Variants in MAPKAPK2 observed in about 807,000 individuals in gnomAD.
The protein encoded by MAPKAPK2 is MAP kinase-activated protein kinase 2.
A neutral mutation model predicts 48.8 loss-of-function variants in MAPKAPK2; 9 were observed. That is an observed-to-expected ratio of 0.18 (90% confidence interval 0.11 to 0.32). MAPKAPK2 has a LOEUF of 0.32. Among genes scored for constraint, MAPKAPK2 ranks in the 10% least tolerant of loss-of-function variants. The pLI is 1.00. For missense variants in MAPKAPK2, 331 were observed against 498.3 expected, an observed-to-expected ratio of 0.66 and a Z score of 3.20; for synonymous variants, 202 against 190.6, an observed-to-expected ratio of 1.06 and a Z score of -0.49.
intron 1 of MAPKAPK2, among the ~76,000 whole-genome samples, chr1:206,709,006 G>A (rs1280382059): frequency 2.0e-5 from 3 of 152,184 alleles, no homozygotes; most frequent in Admixed American, 6.5e-5. Flanking sequence ...GGACATTTGG[G>A]CTGTGTCCAG....
At chr1:206,722,801 T>C (rs560421984) in intron 1 of MAPKAPK2, among the ~76,000 whole-genome samples, 1 of 152,356 alleles carries the variant, frequency 6.6e-6, no homozygotes, top group African/African-American at 2.4e-5. Context: ...CTGCAGCAGC[T>C]GCCCTCCCGA....
At chr1:206,706,305 A>G (rs1235956530) in intron 1 of MAPKAPK2, among the ~76,000 whole-genome samples, 5 of 152,036 alleles carry the variant, frequency 3.3e-5, no homozygotes, top group African/African-American at 1.2e-4. Flanking sequence ...ACAGCCACAG[A>G]GACCCAGAGT....
intron 1 of MAPKAPK2, among the ~76,000 whole-genome samples, chr1:206,701,745 G>A (rs1314360515): frequency 6.8e-6 from 1 of 146,076 alleles, no homozygotes; most frequent in Non-Finnish European, 1.5e-5. Context: ...GAGGTGGGAG[G>A]ATCACTTGAG....
chr1:206,686,515 T>C (rs1440041787), intron 1 of MAPKAPK2, among the ~76,000 whole-genome samples: 1 of 152,200 alleles, frequency 6.6e-6, no homozygotes, highest in Admixed American at 6.5e-5. Flanking sequence ...AAGGTTTTCC[T>C]CTCACAGGGG....
intron 1 of MAPKAPK2, among the ~76,000 whole-genome samples, chr1:206,714,261 A>G (rs1673248551): frequency 6.6e-6 from 1 of 152,138 alleles, no homozygotes; most frequent in South Asian, 2.1e-4. Context: ...GTGTTCATAT[A>G]CTTCATAGAG....
At position 206,733,726 on chromosome 1, in the gene MAPKAPK2, T is replaced by C. The variant is rs1447587151; in HGVS notation, c.*1008T>C. 2 of 152,940 alleles carry C rather than the reference T, an allele frequency of 1.3e-5. No individual in the cohort carries two copies. Among genetic ancestry groups the C allele is most frequent in the Non-Finnish European group, 2.9e-5 (2 of 68,088 alleles). 9.5% of individuals were successfully genotyped at this position (152,940 alleles called of 1,614,324 possible). A position where few individuals can be genotyped will look rare whatever the true frequency, so the allele number is the denominator to read the frequency against. ...CCTTAAATTTTTAGCCATTTCTCCA[T>C]GGGCCACCGCCCAGCTCATGTAGGT... On this transcript the variant is annotated 3_prime_UTR_variant, in exon 10 of 10. Coordinates refer to ENST00000367103, the MANE Select transcript of MAPKAPK2 (RefSeq NM_032960.4).
intron 1 of MAPKAPK2, among the ~76,000 whole-genome samples, chr1:206,691,882 C>A (rs1041370975): frequency 6.6e-6 from 1 of 152,184 alleles, no homozygotes; most frequent in Admixed American, 6.5e-5. Flanking sequence ...AATGAATAAT[C>A]ATCACTGACC....
Position 206,685,472 on chromosome 1 carries a change from C to T in MAPKAPK2, c.243C>T (p.Ile81=). Residue 81 remains isoleucine, a synonymous_variant, in exon 1 of 10, where the codon ATC becomes ATT. Transcript: ENST00000367103. The part of the protein sequence containing the change: ...GLGINGKVLQ[I]FNKRTQEKFA... Reference sequence around the variant, plus strand: ...GCATCAACGGCAAAGTTTTGCAGATCTTCAACAAGAGGACCCAGGAGAAAT... The same window carrying T: ...GCATCAACGGCAAAGTTTTGCAGATTTTCAACAAGAGGACCCAGGAGAAAT... 6.5e-7 allele frequency: 1 copy of T among 1,539,128 alleles called. No homozygotes were observed. The highest frequency in any genetic ancestry group is 8.8e-7 in the Non-Finnish European group (1 of 1,138,584).
At chr1:206,699,027 G>A (rs1473682756) in intron 1 of MAPKAPK2, among the ~76,000 whole-genome samples, 3 of 152,160 alleles carry the variant, frequency 2.0e-5, no homozygotes, top group Admixed American at 6.5e-5. Context: ...CAATATTTAT[G>A]GGATACTTAT....
chr1:206,697,071 C>T (rs1356766063), intron 1 of MAPKAPK2, among the ~76,000 whole-genome samples: 2 of 152,250 alleles, frequency 1.3e-5, no homozygotes, highest in Non-Finnish European at 2.9e-5. Flanking sequence ...ACCCTGACCA[C>T]AGTTTCTCAT....
chr1:206,700,720 C>T (rs1044504200), intron 1 of MAPKAPK2, among the ~76,000 whole-genome samples: 6 of 152,226 alleles, frequency 3.9e-5, no homozygotes, highest in African/African-American at 1.4e-4. Flanking sequence ...TGCTTTCTCT[C>T]TTTCCCTCTT....
chr1:206,701,818 G>T lies in MAPKAPK2; in HGVS notation c.279+16310G>T, dbSNP rs933716875. On this transcript the variant is annotated intron_variant, in intron 1 of 9. Transcript: ENST00000367103. ...TGCACTCCAACCTGGGCAACAGAAT[G>T]AGACCCTGTCTCTAAAAAAAAAAAA... Among the ~76,000 whole-genome samples the T allele has an allele frequency of 3.3e-5, 4 of 120,566 alleles. No individual in the cohort carries two copies. In the Admixed American group the frequency reaches 4.3e-4, roughly 13 times the overall value. 79.1% of individuals were successfully genotyped at this position (120,566 alleles called of 152,430 possible).
intron 1 of MAPKAPK2, among the ~76,000 whole-genome samples, chr1:206,716,483 G>A (rs549709504): frequency 6.6e-6 from 1 of 152,264 alleles, no homozygotes; most frequent in African/African-American, 2.4e-5. Context: ...TGTACTGGGT[G>A]GGGGATGTGT....
At position 206,684,976 on chromosome 1, in the gene MAPKAPK2, C is replaced by T. The variant is rs1553425234; in HGVS notation, c.-254C>T. On this transcript the variant is annotated 5_prime_UTR_variant, in exon 1 of 10. Coordinates refer to ENST00000367103, the MANE Select transcript of MAPKAPK2 (RefSeq NM_032960.4). ...CTTCCCCCCGGCCGGGCCCCCGCCG[C>T]CCCGCGGTCCCCAGAGCGCCAGGCC... 1 of 154,994 alleles carries T rather than the reference C, an allele frequency of 6.5e-6. No homozygotes were observed. The highest frequency in any genetic ancestry group is 1.4e-5 in the Non-Finnish European group (1 of 70,458). 9.6% of individuals were successfully genotyped at this position (154,994 alleles called of 1,614,324 possible). A position where few individuals can be genotyped will look rare whatever the true frequency, so the allele number is the denominator to read the frequency against.
chr1:206,686,122 A>G (rs1036647499), intron 1 of MAPKAPK2, among the ~76,000 whole-genome samples: 2 of 151,850 alleles, frequency 1.3e-5, no homozygotes, highest in Non-Finnish European at 2.9e-5. Flanking sequence ...GGGCGGGATT[A>G]TTTGGATCCC....
intron 1 of MAPKAPK2, among the ~76,000 whole-genome samples, 182 bp downstream of exon 1, chr1:206,685,690 C>T (rs1214705061): frequency 6.7e-6 from 1 of 148,994 alleles, no homozygotes; most frequent in Non-Finnish European, 1.5e-5. Context: ...CCAGCGCCCT[C>T]GCCTCCCTGA....
chr1:206,701,150 T>C (rs1017761021), intron 1 of MAPKAPK2, among the ~76,000 whole-genome samples: 6 of 152,158 alleles, frequency 3.9e-5, no homozygotes, highest in Admixed American at 3.3e-4. Flanking sequence ...GGGGCCAGAA[T>C]TTACTTGTTT....
intron 1 of MAPKAPK2, among the ~76,000 whole-genome samples, chr1:206,698,340 A>G (rs1177510366): frequency 1.3e-5 from 2 of 152,156 alleles, no homozygotes; most frequent in African/African-American, 4.8e-5. Flanking sequence ...TAGAACATTG[A>G]TCCTTCCAGC....
Position 206,731,104 on chromosome 1 carries a change from T to G in MAPKAPK2, c.768-34T>G. ...TACAGGGCCACTAAGTGACAGCTGT[T>G]CTGTCTCCCACTTCCTTCCTCCTGT... On this transcript the variant is annotated intron_variant, in intron 6 of 9. Transcript: ENST00000367103. This position sits in a 1 kb window ranked among gnomAD's most constrained non-coding sequence, Gnocchi z 5.9. 6.2e-7 allele frequency: 1 copy of G among 1,614,100 alleles called. No individual in the cohort carries two copies. The highest frequency in any genetic ancestry group is 8.5e-7 in the Non-Finnish European group (1 of 1,179,912).
Sources: allele counts gnomAD v4.1 joint callset (sites outside exome capture counted in the v4.1 genomes callset), GRCh38; gene constraint gnomAD v4.1.1; non-coding constraint Gnocchi (gnomAD v3.1); transcripts MANE v1.5; gene names NCBI Gene and HGNC (gene_info 2026-07-23, HGNC 2026-07-21).